The following TMEM268 variants were observed in gnomAD, a reference collection of about 807,000 sequenced individuals.
The protein encoded by TMEM268 is transmembrane protein C9orf91.
A neutral mutation model predicts 39.1 loss-of-function variants in TMEM268; 24 were observed. That is an observed-to-expected ratio of 0.61 (90% CI 0.44 to 0.86). TMEM268 has a LOEUF of 0.86. Ranked by LOEUF, TMEM268 falls within the 40% of genes least tolerant of loss-of-function variation. The pLI, the probability that TMEM268 is intolerant of heterozygous loss-of-function variation, is 0.00. For synonymous variants in TMEM268, 176 were observed against 173.5 expected (o/e 1.01, Z -0.12); for missense variants, 409 against 428.6 (o/e 0.95, Z 0.40).
chr9:114,620,164 G>A (rs1845890013), intron 2 of TMEM268, among the ~76,000 whole-genome samples: 1 of 152,158 alleles, frequency 6.6e-6, no homozygotes, highest in East Asian at 1.9e-4. Flanking sequence ...GCAGTGAGCT[G>A]AGATCGCACC....
intron 8 of TMEM268, among the ~76,000 whole-genome samples, chr9:114,641,741 T>TA (rs1241639173): frequency 6.6e-6 from 1 of 152,236 alleles, no homozygotes; most frequent in Non-Finnish European, 1.5e-5. Flanking sequence ...GTTCAAGTGA[T>TA]TCTCCTGCCT....
chr9:114,638,357 T>A (rs1846734338), intron 7 of TMEM268, among the ~76,000 whole-genome samples, 187 bp from the exon 8 acceptor site: 1 of 152,156 alleles, frequency 6.6e-6, no homozygotes, highest in South Asian at 2.1e-4. Flanking sequence ...AGGAAAAATA[T>A]TTAGAGCTAT....
intron 5 of TMEM268, among the ~76,000 whole-genome samples, chr9:114,631,292 A>AAAAAAAAAAAAAAAG (rs1564295029): frequency 5.9e-4 from 12 of 20,274 alleles, no homozygotes; most frequent in African/African-American, 1.3e-3. Flanking sequence ...CAAAAAAAAA[A>AAAAAAAAAAAAAAAG]AAAAAAAAAA....
intron 8 of TMEM268, among the ~76,000 whole-genome samples, chr9:114,641,881 T>A (rs1204833053): frequency 4.6e-5 from 7 of 151,300 alleles, no homozygotes; most frequent in African/African-American, 1.7e-4. Flanking sequence ...TCAAGTAATC[T>A]CTCCTGCCTT....
chr9:114,645,899 G>T lies in TMEM268; in HGVS notation c.*2586G>T, dbSNP rs138099202. On this transcript the variant is annotated 3_prime_UTR_variant, in exon 9 of 9. Transcript: ENST00000288502. The stretch of plus-strand genomic sequence containing the variant: ...TCTGTCTCACCTACTTTACAGGGTT[G>T]CTGTGAAGATCGCATACTACACACA... 171 of 152,262 alleles carry T rather than the reference G, an allele frequency of 1.1e-3. 2 individuals are homozygous for T. The highest frequency in any genetic ancestry group is 4.0e-3 in the African/African-American group (168 of 41,532). The allele number at this position is 152,262 out of a possible 1,614,324, so 9.4% of individuals were successfully genotyped here.
rs373280263 is a variant in TMEM268 at position 114,643,109 on chromosome 9, C to T, written c.850-25C>T. On this transcript the variant is annotated intron_variant, in intron 8 of 8. Transcript: ENST00000288502. ...CCTCAAGGGGCTCCCCTGTGGTATT[C>T]AATCTGCTTCCCTGCCTCTTCTAGG... The T allele has an allele frequency of 3.1e-6, 5 of 1,613,442 alleles. No homozygotes were observed. In the African/African-American group the frequency reaches 6.7e-5, roughly 22 times the overall value.
At chr9:114,611,780 C>T (rs1845506597) in intron 1 of TMEM268, among the ~76,000 whole-genome samples, 1 of 152,196 alleles carries the variant, frequency 6.6e-6, no homozygotes, top group Non-Finnish European at 1.5e-5. Context: ...CTCTGACAAG[C>T]CTCCTGGGGG....
intron 8 of TMEM268, 68 bp downstream of exon 8, chr9:114,638,794 G>A (rs542488503): frequency 9.5e-6 from 12 of 1,268,004 alleles, no homozygotes; most frequent in Admixed American, 6.8e-5. Context: ...AAGCCTATGT[G>A]GGGGCTTCTT....
intron 5 of TMEM268, among the ~76,000 whole-genome samples, chr9:114,630,843 A>T (rs942302907): frequency 6.6e-6 from 1 of 152,216 alleles, no homozygotes; most frequent in Non-Finnish European, 1.5e-5. Context: ...TCTCAGCTCC[A>T]GGACCTCCTC....
At chr9:114,609,099 C>T (rs1330741139), upstream of TMEM268, among the ~76,000 whole-genome samples, 1 of 152,090 alleles carries the variant, frequency 6.6e-6, no homozygotes, top group South Asian at 2.1e-4. Context: ...CACCTGAGGT[C>T]GGGAGTTCGA....
chr9:114,627,009 A>G lies in TMEM268; in HGVS notation c.324+3A>G, dbSNP rs1156365278. ...CTATGCGGCTGGCCTTTGCTGTGGT[A>G]AGGGGGAGGTGGCCCGCACACTGAC... On this transcript the variant is annotated splice_donor_region_variant and intron_variant, in intron 4 of 8. Coordinates refer to ENST00000288502, the MANE Select transcript of TMEM268 (RefSeq NM_153045.4). 3 of 1,600,780 alleles carry G rather than the reference A, an allele frequency of 1.9e-6. No homozygotes were observed. Among genetic ancestry groups the G allele is most frequent in the South Asian group, 1.1e-5 (1 of 90,790 alleles).
intron 8 of TMEM268, among the ~76,000 whole-genome samples, chr9:114,641,158 G>A (rs1754639385): frequency 6.6e-6 from 1 of 152,114 alleles, no homozygotes; most frequent in African/African-American, 2.4e-5. Flanking sequence ...TTACAGGTGT[G>A]AGCCACCGCG....
chr9:114,640,957 A>G (rs756169655), intron 8 of TMEM268, among the ~76,000 whole-genome samples: 1 of 151,258 alleles, frequency 6.6e-6, no homozygotes, highest in Non-Finnish European at 1.5e-5. Context: ...CTCACTGCAA[A>G]CTCCATCTCC....
intron 8 of TMEM268, 63 bp from the exon 9 acceptor site, chr9:114,643,071 C>T: frequency 6.4e-7 from 1 of 1,554,510 alleles, no homozygotes; most frequent in Non-Finnish European, 8.8e-7. Context: ...CCCCTGGTGC[C>T]TAAGCCCTTT....
At chr9:114,629,254 A>T (rs920645664) in intron 5 of TMEM268, among the ~76,000 whole-genome samples, 4 of 152,392 alleles carry the variant, frequency 2.6e-5, no homozygotes, top group Admixed American at 2.6e-4. Context: ...GATATTTGAC[A>T]TAGGTCTCAC....
At chr9:114,628,376 A>G in intron 5 of TMEM268, 126 bp downstream of exon 5, 1 of 1,006,892 alleles carries the variant, frequency 9.9e-7, no homozygotes, top group South Asian at 1.5e-5. Flanking sequence ...CTAGCCCGTA[A>G]GCCCAGTGAC....
At chr9:114,623,305 G>T (rs551029990) in intron 2 of TMEM268, among the ~76,000 whole-genome samples, 2 of 151,970 alleles carry the variant, frequency 1.3e-5, no homozygotes, top group African/African-American at 4.8e-5. Context: ...GTGCCACCAC[G>T]CCCGGCTAAT....
chr9:114,627,402 T>C (rs1266532734), intron 4 of TMEM268, among the ~76,000 whole-genome samples: 1 of 152,168 alleles, frequency 6.6e-6, no homozygotes, highest in African/African-American at 2.4e-5. Context: ...TATGTGTGTA[T>C]ACACATATGT....
In TMEM268 at chr9:114,645,843, C is replaced by G. The variant is rs1827551232; in HGVS notation, c.*2530C>G. 1 of 152,250 alleles carries G rather than the reference C, an allele frequency of 6.6e-6. No homozygotes were observed. The highest frequency in any genetic ancestry group is 2.4e-5 in the African/African-American group (1 of 41,446). The allele number at this position is 152,250 out of a possible 1,614,324, so 9.4% of individuals were successfully genotyped here. On this transcript the variant is annotated 3_prime_UTR_variant, in exon 9 of 9. Coordinates refer to ENST00000288502, the MANE Select transcript of TMEM268 (RefSeq NM_153045.4). ...TGTACATTTCTCGGCATCTGTGCCT[C>G]AGTTTCCTCATTTATAAAATCCCTA...
Sources: gnomAD v4.1 joint callset for allele counts (sites outside exome capture counted in the v4.1 genomes callset) on GRCh38, gnomAD v4.1.1 for gene constraint, MANE v1.5 for transcripts, NCBI Gene and HGNC (gene_info 2026-07-23, HGNC 2026-07-21) for gene names.